Variants in NR4A1 observed in about 807,000 individuals in gnomAD.
The protein encoded by NR4A1 is nuclear receptor subfamily 4immunitygroup A member 1.
In NR4A1, 24 loss-of-function variants were observed where a neutral mutation model predicts 47.5. The ratio of observed to expected loss-of-function variants is 0.50; its 90% confidence interval spans 0.37 to 0.71. The LOEUF (loss-of-function observed/expected upper bound fraction) is 0.71. NR4A1 is among the 30% of genes least tolerant of loss of function. The pLI, the probability that NR4A1 is intolerant of heterozygous loss-of-function variation, is 0.00. For synonymous variants in NR4A1, 353 were observed against 345.7 expected, an observed-to-expected ratio of 1.02 and a Z score of -0.24; for missense variants, 669 against 788.6, an observed-to-expected ratio of 0.85 and a Z score of 1.82.
At position 52,058,910 on chromosome 12, in the gene NR4A1, T is replaced by C. The variant is rs1386097214; in HGVS notation, c.1763T>C (p.Ile588Thr). The C allele has an allele frequency of 6.2e-7, 1 of 1,613,548 alleles. No homozygotes were observed. The part of the protein sequence containing the change: ...LEDLVPPPPI[I>T]DKIFMDTLPF ...GACTTGGTGCCCCCTCCACCCATCA[T>C]TGACAAGATCTTCATGGACACGCTG... Residue 588 changes from isoleucine to threonine, a missense_variant, in exon 7 of 7, where the codon ATT becomes ACT. By Grantham distance (89) the Ile-to-Thr change is moderately conservative. Transcript: ENST00000394825.
intron 2 of NR4A1, among the ~76,000 whole-genome samples, chr12:52,043,077 AGCCCTGGGAAGCAGG>A (rs1416243224): frequency 1.3e-5 from 2 of 152,126 alleles, no homozygotes; most frequent in Non-Finnish European, 2.9e-5. Flanking sequence ...GGAAGGGGGA[AGCCCTGGGAAGCAGG>A]GCCTCCTGTT....
intron 2 of NR4A1, 199 bp from the exon 3 acceptor site, chr12:52,055,831 C>T (rs762267119): frequency 1.9e-4 from 88 of 470,998 alleles, no homozygotes; most frequent in Non-Finnish European, 2.8e-4. Flanking sequence ...GAAACCTCCC[C>T]CAATGTCTTC....
intron 1 of NR4A1, among the ~76,000 whole-genome samples, chr12:52,027,953 G>A (rs1938032378): frequency 6.6e-6 from 1 of 152,120 alleles, no homozygotes; most frequent in Admixed American, 6.5e-5. Context: ...TGTAATTCTA[G>A]CACTTTTAGA....
chr12:52,045,888 C>T (rs1054393280), intron 2 of NR4A1, among the ~76,000 whole-genome samples: 1 of 152,240 alleles, frequency 6.6e-6, no homozygotes, highest in African/African-American at 2.4e-5. Context: ...GGGAAGCCCC[C>T]AGGGCAGTAG....
Position 52,054,316 on chromosome 12 carries a change from T to G in NR4A1, c.-2-11T>G, listed in dbSNP as rs767158514. 8 of 1,590,266 alleles carry G rather than the reference T, an allele frequency of 5.0e-6. No homozygotes were observed. The highest frequency in any genetic ancestry group is 1.3e-5 in the African/African-American group (1 of 74,358). On this transcript the variant is annotated splice_polypyrimidine_tract_variant and intron_variant, in intron 1 of 6. Coordinates refer to ENST00000394825, the MANE Select transcript of NR4A1 (RefSeq NM_173157.3). ...TCTCCTTTCCCTCCCTGGGGTCTCC[T>G]CTCTCTCCAGAGATGCCCTGTATCC...
chr12:52,038,853 G>A, intron 1 of NR4A1: 1 of 693,652 alleles, frequency 1.4e-6, no homozygotes, highest in Non-Finnish European at 2.6e-6. Context: ...GAGGAGTTCA[G>A]GCCCTGTGCC....
chr12:52,055,100 G>A lies in NR4A1; in HGVS notation c.772G>A (p.Gly258Arg), dbSNP rs142278266. Residue 258 changes from glycine (G) to arginine (R), a missense_variant, in exon 2 of 7, where the codon GGG becomes AGG. Coordinates refer to ENST00000394825, the MANE Select transcript of NR4A1 (RefSeq NM_173157.3). ...CGTGACCTCAACCAAGGCCCGGAGCGGGGCCCCAGGTGGAAGTGAAGGCCG... is the reference window on the plus strand; with the variant it reads ...CGTGACCTCAACCAAGGCCCGGAGCAGGGCCCCAGGTGGAAGTGAAGGCCG... ...TPVTSTKARS[G>R]APGGSEGRCA... is the part of the protein sequence containing the mutation. 2.0e-5 allele frequency: 32 copies of A among 1,614,240 alleles called. No homozygotes were observed. In the East Asian group the frequency reaches 2.9e-4, roughly 15 times the overall value.
chr12:52,047,822 A>G (rs1389186664), upstream of NR4A1, among the ~76,000 whole-genome samples: 2 of 152,222 alleles, frequency 1.3e-5, no homozygotes, highest in Non-Finnish European at 2.9e-5. Context: ...GGAGGAGAGG[A>G]GGGTGCCTGA....
At position 52,058,810 on chromosome 12, in the gene NR4A1, C is replaced by T; in HGVS notation, c.1663C>T (p.Leu555=). The change falls in exon 7 of 7, where the codon CTG becomes TTG. Residue 555 remains leucine, a synonymous_variant. Coordinates refer to ENST00000394825, the MANE Select transcript of NR4A1 (RefSeq NM_173157.3). ...CCAGCCAGCCAGCTGCCTGTCACGT[C>T]TGTTGGGCAAACTGCCCGAGCTGCG... ...EPQPASCLSR[L]LGKLPELRTL... is the part of the protein sequence containing the mutation. The T allele has an allele frequency of 6.2e-7, 1 of 1,613,734 alleles. No homozygotes were observed. Among genetic ancestry groups the T allele is most frequent in the Non-Finnish European group, 8.5e-7 (1 of 1,179,948 alleles).
intron 1 of NR4A1, among the ~76,000 whole-genome samples, chr12:52,034,296 G>A (rs749112732): frequency 2.0e-5 from 3 of 152,216 alleles, no homozygotes; most frequent in Non-Finnish European, 2.9e-5. Context: ...CTTCTTGGAG[G>A]CCACTTCTTG....
Position 52,043,537 on chromosome 12 carries a change from C to T in NR4A1, c.37+1608C>T, listed in dbSNP as rs564345099. 133 of 417,252 alleles carry T rather than the reference C, an allele frequency of 3.2e-4. 1 individual carries two copies. Among genetic ancestry groups the T allele is most frequent in the African/African-American group, 2.6e-3 (125 of 47,656 alleles). The allele number at this position is 417,252 out of a possible 1,614,324, so 25.8% of individuals were successfully genotyped here. A position where few individuals can be genotyped will look rare whatever the true frequency, so the allele number is the denominator to read the frequency against. ...TGACGTGGGCACCTGTCTGCCAGGCCTGGGCACGGGCCCAGGGTCACGCTC... is the reference window on the plus strand; with the variant it reads ...TGACGTGGGCACCTGTCTGCCAGGCTTGGGCACGGGCCCAGGGTCACGCTC... On this transcript the variant is annotated intron_variant, in intron 2 of 7. Coordinates refer to the NR4A1 transcript ENST00000360284.
chr12:52,049,942 A>G (rs1938840740), upstream of NR4A1, among the ~76,000 whole-genome samples: 1 of 152,122 alleles, frequency 6.6e-6, no homozygotes, highest in African/African-American at 2.4e-5. Context: ...CCTCCGGGGC[A>G]GAGAAAGTCC....
At chr12:52,029,429 C>T (rs1316350897) in intron 1 of NR4A1, among the ~76,000 whole-genome samples, 1 of 152,198 alleles carries the variant, frequency 6.6e-6, no homozygotes. Context: ...TGGCCCACAC[C>T]TGTAATCCAA....
At chr12:52,050,208 G>A (rs1938854012), upstream of NR4A1, among the ~76,000 whole-genome samples, 1 of 152,222 alleles carries the variant, frequency 6.6e-6, no homozygotes, top group Non-Finnish European at 1.5e-5. Flanking sequence ...GGTGGCTGAA[G>A]CCTGGTCTGT....
Position 52,058,674 on chromosome 12 carries a change from T to A in NR4A1, c.1541-14T>A, listed in dbSNP as rs534029206. The A allele has an allele frequency of 1.5e-5, 24 of 1,582,616 alleles. No individual in the cohort carries two copies. The African/African-American group carries it at 3.1e-4, about 20-fold the overall frequency. ...GTTCTCAGATGTACAGCTAATCCTG[T>A]ACCCTTCCCGCAGACCGGCATGGGC... On this transcript the variant is annotated splice_polypyrimidine_tract_variant and intron_variant, in intron 6 of 6. Coordinates refer to ENST00000394825, the MANE Select transcript of NR4A1 (RefSeq NM_173157.3).
chr12:52,037,777 G>A (rs115241826), intron 1 of NR4A1: 14,866 of 985,504 alleles, frequency 0.015, 188 homozygotes, highest in African/African-American at 0.06. Context: ...AGGAGACCCA[G>A]CCGGGAGGGA....
chr12:52,052,268 C>CGTGTGTGTGTGTGTGTGTGTGT (rs60552358), intron 1 of NR4A1, among the ~76,000 whole-genome samples: 1 of 129,920 alleles, frequency 7.7e-6, no homozygotes, highest in East Asian at 2.2e-4. Flanking sequence ...GCTTGGATCA[C>CGTGTGTGTGTGTGTGTGTGTGT]GTGTGTGTGT....
intron 6 of NR4A1, chr12:52,058,444 A>T: frequency 1.9e-6 from 1 of 538,018 alleles, no homozygotes; most frequent in Non-Finnish European, 3.2e-6. Context: ...CCCGTTTGTG[A>T]CCCTGGGCAA....
intron 1 of NR4A1, among the ~76,000 whole-genome samples, chr12:52,029,343 G>T (rs1938068532): frequency 1.3e-5 from 2 of 152,224 alleles, no homozygotes; most frequent in African/African-American, 4.8e-5. Flanking sequence ...GTGCCTGTGG[G>T]TCCTGCAGTT....
Sources: gnomAD v4.1 joint callset for allele counts (sites outside exome capture counted in the v4.1 genomes callset) on GRCh38, gnomAD v4.1.1 for gene constraint, MANE v1.5 for transcripts, NCBI Gene and HGNC (gene_info 2026-07-23, HGNC 2026-07-21) for gene names.